PRKCQ: variants seen among roughly 807,000 people sequenced by gnomAD.
PRKCQ encodes the protein protein kinase C theta.
Under a neutral mutation model 91.2 loss-of-function variants are expected in PRKCQ, and 41 were observed. The ratio of observed to expected loss-of-function variants is 0.45; its 90% CI spans 0.35 to 0.58. The LOEUF (loss-of-function observed/expected upper bound fraction) is 0.58, where lower values mean the gene tolerates loss of function less well. PRKCQ is among the 20% of genes least tolerant of loss of function. PRKCQ has a pLI of 0.00. For synonymous variants in PRKCQ, 307 were observed against 316.9 expected (o/e 0.97, Z 0.33); for missense variants, 673 against 896.5 (o/e 0.75, Z 3.18).
At chr10:6,560,104 C>T (rs369486672) in intron 1 of PRKCQ, among the ~76,000 whole-genome samples, 1 of 152,182 alleles carries the variant, frequency 6.6e-6, no homozygotes, top group South Asian at 2.1e-4. Flanking sequence ...GATCAGTCAA[C>T]ATTTAGTGAC....
chr10:6,476,657 T>C (rs79279015), intron 12 of PRKCQ, among the ~76,000 whole-genome samples: 60 of 152,366 alleles, frequency 3.9e-4, no homozygotes, highest in African/African-American at 1.4e-3. Context: ...AAATCTGTCA[T>C]TGGGTATTTG....
intron 1 of PRKCQ, among the ~76,000 whole-genome samples, chr10:6,551,398 C>CT (rs368070599): frequency 0.026 from 3,575 of 138,082 alleles, 156 homozygotes; most frequent in African/African-American, 0.085. Context: ...TTTTTTTTTT[C>CT]TTTTTTTTTT....
intron 1 of PRKCQ, among the ~76,000 whole-genome samples, chr10:6,556,751 AT>A (rs1172565526): frequency 6.6e-6 from 1 of 152,094 alleles, no homozygotes; most frequent in African/African-American, 2.4e-5. Context: ...TCTTGGCTTT[AT>A]TTTTGATCTT....
At chr10:6,515,589 C>G (rs1838718332) in intron 1 of PRKCQ, 36 of 857,052 alleles carry the variant, frequency 4.2e-5, no homozygotes, top group Non-Finnish European at 4.9e-5. Flanking sequence ...CCGCAAAATT[C>G]TTACATGGTC....
intron 1 of PRKCQ, among the ~76,000 whole-genome samples, chr10:6,572,639 G>C (rs530360717): frequency 2.6e-5 from 4 of 152,136 alleles, no homozygotes; most frequent in Non-Finnish European, 5.9e-5. Context: ...CCATTGGTGG[G>C]CATTTGGGTT....
the PRKCQ span, among the ~76,000 whole-genome samples, chr10:6,398,983 AC>A: frequency 6.6e-6 from 1 of 152,134 alleles, no homozygotes; most frequent in Admixed American, 6.6e-5. Flanking sequence ...CTGGTCTCGA[AC>A]TTCTGAACTC....
At chr10:6,422,411 C>T (rs1421450600), downstream of PRKCQ, among the ~76,000 whole-genome samples, 1 of 152,096 alleles carries the variant, frequency 6.6e-6, no homozygotes, top group African/African-American at 2.4e-5. Context: ...CTGGGTGTGA[C>T]CCGGGCATCC....
chr10:6,516,483 T>A (rs188944989), intron 1 of PRKCQ, among the ~76,000 whole-genome samples: 2 of 152,298 alleles, frequency 1.3e-5, no homozygotes, highest in East Asian at 3.9e-4. Context: ...CTTTGCCCTG[T>A]GAGTTTAGAA....
At chr10:6,416,180 A>G in the PRKCQ span, among the ~76,000 whole-genome samples, 1 of 152,060 alleles carries the variant, frequency 6.6e-6, no homozygotes, top group African/African-American at 2.4e-5. Flanking sequence ...AATGAGTGCA[A>G]AATACAAAGA....
At chr10:6,484,707 G>A (rs1412836027) in intron 10 of PRKCQ, among the ~76,000 whole-genome samples, 1 of 152,202 alleles carries the variant, frequency 6.6e-6, no homozygotes, top group Non-Finnish European at 1.5e-5. Context: ...ATCCACTCAT[G>A]AACTGCTTTC....
chr10:6,509,101 A>T (rs1186979873), intron 3 of PRKCQ, among the ~76,000 whole-genome samples: 3 of 152,176 alleles, frequency 2.0e-5, no homozygotes, highest in Non-Finnish European at 4.4e-5. Flanking sequence ...AAAAAAACCC[A>T]CCAAAGCTTA....
At chr10:6,491,570 G>C in intron 8 of PRKCQ, 113 bp downstream of exon 8, 7 of 1,404,326 alleles carry the variant, frequency 5.0e-6, no homozygotes, top group Non-Finnish European at 5.8e-6. Context: ...TGACTTGTCT[G>C]GGCTGGGTGT....
At chr10:6,554,390 C>T (rs1351601096) in intron 1 of PRKCQ, among the ~76,000 whole-genome samples, 1 of 139,198 alleles carries the variant, frequency 7.2e-6, no homozygotes, top group Non-Finnish European at 1.5e-5. Flanking sequence ...GGAAGTGAGA[C>T]AATATGAGAA....
intron 8 of PRKCQ, among the ~76,000 whole-genome samples, chr10:6,491,237 G>T (rs976973162): frequency 1.3e-5 from 2 of 152,174 alleles, no homozygotes; most frequent in African/African-American, 4.8e-5. Context: ...TGCTGGGCTT[G>T]CTCCTTGATG....
chr10:6,439,146 C>T (rs1329618875), intron 16 of PRKCQ, among the ~76,000 whole-genome samples: 2 of 152,196 alleles, frequency 1.3e-5, no homozygotes, highest in Non-Finnish European at 2.9e-5. Context: ...GTTCCTCTGT[C>T]TCCACGTGGG....
intron 4 of PRKCQ, among the ~76,000 whole-genome samples, chr10:6,502,339 T>C (rs1426725311): frequency 4.6e-5 from 7 of 152,156 alleles, no homozygotes; most frequent in Admixed American, 1.3e-4. Flanking sequence ...CTCCTACTAA[T>C]GTGTGGGAGA....
chr10:6,461,313 T>C (rs776943141), intron 14 of PRKCQ, among the ~76,000 whole-genome samples: 1 of 152,194 alleles, frequency 6.6e-6, no homozygotes, highest in African/African-American at 2.4e-5. Context: ...CCCCACACAA[T>C]TTAGTCAGTG....
chr10:6,400,940 A>C, the PRKCQ span, among the ~76,000 whole-genome samples: 3 of 152,378 alleles, frequency 2.0e-5, no homozygotes, highest in East Asian at 1.9e-4. Context: ...TTTAGAGCTT[A>C]CTGTCTTCTG....
intron 1 of PRKCQ, among the ~76,000 whole-genome samples, chr10:6,554,398 G>A (rs1840330702): frequency 2.0e-5 from 3 of 152,016 alleles, no homozygotes; most frequent in Admixed American, 2.0e-4. Context: ...GACAATATGA[G>A]AACAGTTTTC....
Sources: gnomAD v4.1 joint callset for allele counts (sites outside exome capture counted in the v4.1 genomes callset) on GRCh38, gnomAD v4.1.1 for gene constraint, MANE v1.5 for transcripts, NCBI Gene and HGNC (gene_info 2026-07-23, HGNC 2026-07-21) for gene names.